The following PPME1 variants were observed in gnomAD, a reference collection of about 807,000 sequenced individuals.
The protein encoded by PPME1 is testicular secretory protein Li 39.
Under a neutral mutation model 56.9 loss-of-function variants are expected in PPME1, and 17 were observed. That is an observed-to-expected ratio of 0.30 (90% confidence interval 0.20 to 0.45). The LOEUF (loss-of-function observed/expected upper bound fraction) is 0.45. PPME1 is among the 20% of genes least tolerant of loss of function. The pLI, the probability that PPME1 is intolerant of heterozygous loss-of-function variation, is 1.00. For synonymous variants in PPME1, 122 were observed against 156.2 expected (o/e 0.78, Z 1.63); for missense variants, 357 against 483.2 (o/e 0.74, Z 2.45).
At chr11:74,241,581 A>G (rs1859361547) in intron 9 of PPME1, among the ~76,000 whole-genome samples, 1 of 152,350 alleles carries the variant, frequency 6.6e-6, no homozygotes, top group East Asian at 1.9e-4. Flanking sequence ...TTTCCAAAGC[A>G]GGTGCACCCT....
At position 74,251,233 on chromosome 11, in the gene PPME1, A is replaced by G. The variant is rs1276473516; in HGVS notation, c.1074+215A>G. 2.4e-5 allele frequency: 33 copies of G among 1,398,920 alleles called. No individual in the cohort carries two copies. In the East Asian group the frequency reaches 4.9e-4, roughly 21 times the overall value. 86.7% of individuals were successfully genotyped at this position (1,398,920 alleles called of 1,614,324 possible). A position where few individuals can be genotyped will look rare whatever the true frequency, so the allele number is the denominator to read the frequency against. The stretch of plus-strand genomic sequence containing the variant: ...GCTGAGGAGCTACTGACACTCTGCT[A>G]TTTCATCCCAGGGCCCTGTGGTTAA... On this transcript the variant is annotated intron_variant, in intron 12 of 13. Coordinates refer to ENST00000328257, the MANE Select transcript of PPME1 (RefSeq NM_016147.3).
At chr11:74,244,933 C>G (rs542506689) in intron 9 of PPME1, among the ~76,000 whole-genome samples, 4 of 152,244 alleles carry the variant, frequency 2.6e-5, no homozygotes, top group South Asian at 4.2e-4. Context: ...TTTGGTTATC[C>G]CAGTACTGTT....
chr11:74,197,642 A>G (rs1024843683), intron 1 of PPME1, among the ~76,000 whole-genome samples: 6 of 152,232 alleles, frequency 3.9e-5, no homozygotes, highest in Non-Finnish European at 7.3e-5. Flanking sequence ...GGTTGTGAAA[A>G]TAAACCTTTA....
chr11:74,221,694 A>G (rs1015352610), intron 3 of PPME1, among the ~76,000 whole-genome samples: 4 of 151,958 alleles, frequency 2.6e-5, no homozygotes, highest in African/African-American at 9.7e-5. Context: ...CAAAGAATCC[A>G]GTTTAGTTTA....
At chr11:74,252,817 A>T (rs1239559109) in intron 13 of PPME1, among the ~76,000 whole-genome samples, 2 of 152,172 alleles carry the variant, frequency 1.3e-5, no homozygotes, top group East Asian at 3.9e-4. Context: ...GTAGCTCTTC[A>T]TCTGTTTAGG....
In PPME1 at chr11:74,230,821, C is replaced by A; in HGVS notation, c.554-91C>A. On this transcript the variant is annotated intron_variant, in intron 6 of 13. Coordinates refer to ENST00000328257, the MANE Select transcript of PPME1 (RefSeq NM_016147.3). The surrounding 1 kb of genome is among the most constrained non-coding windows in gnomAD (Gnocchi z 4.9). ...TGCGAGCATCACTAAATTCTGCTGT[C>A]ATCAAGAGCAGATATATAGTAGTTG... 2.0e-6 allele frequency: 2 copies of A among 987,744 alleles called. No individual in the cohort carries two copies. Among genetic ancestry groups the A allele is most frequent in the Non-Finnish European group, 3.1e-6 (2 of 645,980 alleles). 61.2% of individuals were successfully genotyped at this position (987,744 alleles called of 1,614,324 possible). A position where few individuals can be genotyped will look rare whatever the true frequency, so the allele number is the denominator to read the frequency against.
chr11:74,242,099 TA>T (rs1859375609), intron 9 of PPME1, among the ~76,000 whole-genome samples: 1 of 152,226 alleles, frequency 6.6e-6, no homozygotes, highest in South Asian at 2.1e-4. Context: ...TTTCTTGTTT[TA>T]GCTCTTACAT....
chr11:74,220,234 GAAGAT>G (rs1858761832), intron 3 of PPME1, among the ~76,000 whole-genome samples: 1 of 152,134 alleles, frequency 6.6e-6, no homozygotes, highest in Non-Finnish European at 1.5e-5. Context: ...GACTTCTTAA[GAAGAT>G]AATATGAGAT....
intron 3 of PPME1, among the ~76,000 whole-genome samples, chr11:74,221,474 C>T (rs938255539): frequency 1.3e-5 from 2 of 152,052 alleles, no homozygotes; most frequent in African/African-American, 4.8e-5. Flanking sequence ...TTGTGATTTA[C>T]GTTGACTTTT....
chr11:74,216,634 T>A (rs553643629), intron 3 of PPME1, among the ~76,000 whole-genome samples: 11 of 150,752 alleles, frequency 7.3e-5, no homozygotes, highest in Non-Finnish European at 1.6e-4. Context: ...ACAAGAAAAA[T>A]AAAGATCAGA....
At chr11:74,244,595 CA>C (rs1859459899) in intron 9 of PPME1, among the ~76,000 whole-genome samples, 1 of 152,096 alleles carries the variant, frequency 6.6e-6, no homozygotes, top group South Asian at 2.1e-4. Context: ...GCCCTTTGAC[CA>C]TTTTTTAATC....
Position 74,230,689 on chromosome 11 carries a change from T to A in PPME1, c.554-223T>A. ...GTCTTTTCTGACCCAGCTTCAGAAG[T>A]CACACTGCTGCTTGTGAATACAAGT... On this transcript the variant is annotated intron_variant, in intron 6 of 13. Coordinates refer to ENST00000328257, the MANE Select transcript of PPME1 (RefSeq NM_016147.3). The surrounding 1 kb of genome is among the most constrained non-coding windows in gnomAD (Gnocchi z 4.9). The A allele has an allele frequency of 1.7e-6, 1 of 598,130 alleles. No individual in the cohort carries two copies. Among genetic ancestry groups the A allele is most frequent in the Non-Finnish European group, 2.9e-6 (1 of 345,370 alleles). The allele number at this position is 598,130 out of a possible 1,614,324, so 37.1% of individuals were successfully genotyped here.
intron 3 of PPME1, among the ~76,000 whole-genome samples, chr11:74,213,486 A>G (rs186307204): frequency 6.6e-6 from 1 of 152,288 alleles, no homozygotes; most frequent in Non-Finnish European, 1.5e-5. Context: ...CCTTGAGTGA[A>G]CACAGATAGC....
intron 3 of PPME1, among the ~76,000 whole-genome samples, chr11:74,214,513 C>T (rs986555785): frequency 6.6e-6 from 1 of 151,852 alleles, no homozygotes; most frequent in Non-Finnish European, 1.5e-5. Flanking sequence ...ATAAGACTAC[C>T]TCAAGGCATT....
intron 1 of PPME1, among the ~76,000 whole-genome samples, chr11:74,184,634 A>G (rs1372545379): frequency 6.6e-6 from 1 of 152,200 alleles, no homozygotes; most frequent in African/African-American, 2.4e-5. Flanking sequence ...CATCCTTGTG[A>G]ATCCTTTTCC....
Position 74,201,650 on chromosome 11 carries a change from T to C in PPME1, c.102-2078T>C, listed in dbSNP as rs139972854. Reference sequence around the variant, plus strand: ...TTACTTTTATGTCTAAATCTGTTTTTTCATCTGTTAAATGGGCATAAAAAG... The same window carrying C: ...TTACTTTTATGTCTAAATCTGTTTTCTCATCTGTTAAATGGGCATAAAAAG... On this transcript the variant is annotated intron_variant, in intron 1 of 13. Coordinates refer to ENST00000328257, the MANE Select transcript of PPME1 (RefSeq NM_016147.3). Among the ~76,000 whole-genome samples the C allele has an allele frequency of 2.4e-4, 37 of 152,324 alleles. No individual in the cohort carries two copies. The East Asian group carries it at 6.2e-3, about 25-fold the overall frequency.
chr11:74,200,086 G>C (rs1858111218), intron 1 of PPME1, among the ~76,000 whole-genome samples: 1 of 152,040 alleles, frequency 6.6e-6, no homozygotes, highest in Non-Finnish European at 1.5e-5. Context: ...CTTTCATTAC[G>C]ACCCCTTGAG....
At chr11:74,202,967 G>A (rs1858212091) in intron 1 of PPME1, among the ~76,000 whole-genome samples, 1 of 151,956 alleles carries the variant, frequency 6.6e-6, no homozygotes, top group Non-Finnish European at 1.5e-5. Flanking sequence ...TTATATATAT[G>A]AATCTTGGAA....
chr11:74,209,152 G>T (rs1027552585), intron 3 of PPME1, among the ~76,000 whole-genome samples: 2 of 152,128 alleles, frequency 1.3e-5, no homozygotes, highest in African/African-American at 4.8e-5. Context: ...TGTCACCCAG[G>T]CTGGAGTACA....
Sources: gnomAD v4.1 joint callset for allele counts (sites outside exome capture counted in the v4.1 genomes callset) on GRCh38, gnomAD v4.1.1 for gene constraint, Gnocchi (gnomAD v3.1) non-coding constraint, MANE v1.5 for transcripts, NCBI Gene and HGNC (gene_info 2026-07-23, HGNC 2026-07-21) for gene names.